TRPC4AP: variants seen among roughly 807,000 people sequenced by gnomAD.
TRPC4AP encodes short transient receptor potential channel 4-associated protein.
Under a neutral mutation model 99.0 loss-of-function variants are expected in TRPC4AP, and 45 were observed. The ratio of observed to expected loss-of-function variants is 0.45; its 90% CI spans 0.36 to 0.58. The LOEUF is 0.58. Among genes scored for constraint, TRPC4AP ranks in the 20% least tolerant of loss-of-function variants. The pLI is 0.00. For synonymous variants in TRPC4AP, 408 were observed against 385.8 expected, an observed-to-expected ratio of 1.06 and a Z score of -0.67; for missense variants, 879 against 985.3, an observed-to-expected ratio of 0.89 and a Z score of 1.44.
intron 7 of TRPC4AP, among the ~76,000 whole-genome samples, chr20:35,037,320 C>A (rs2083341276): frequency 7.0e-6 from 1 of 143,642 alleles, no homozygotes; most frequent in Non-Finnish European, 1.5e-5. Flanking sequence ...GCACTCCGGC[C>A]TGGGCGAAAG....
intron 9 of TRPC4AP, among the ~76,000 whole-genome samples, chr20:35,020,862 G>T: frequency 6.6e-6 from 1 of 152,104 alleles, no homozygotes; most frequent in Non-Finnish European, 1.5e-5. Flanking sequence ...CATCAGGTTG[G>T]CAACTCCTCT....
chr20:35,005,824 C>A, intron 15 of TRPC4AP, 21 bp from the exon 16 acceptor site: 1 of 1,612,170 alleles, frequency 6.2e-7, no homozygotes, highest in Non-Finnish European at 8.5e-7. Flanking sequence ...ACCAAGCTCA[C>A]AGCAGGCAGT....
At chr20:35,081,089 AAAAG>A (rs1472769098) in intron 1 of TRPC4AP, among the ~76,000 whole-genome samples, 1 of 152,206 alleles carries the variant, frequency 6.6e-6, no homozygotes, top group Non-Finnish European at 1.5e-5. Flanking sequence ...AGAAATATTT[AAAAG>A]AAGAAAGAAG....
intron 8 of TRPC4AP, among the ~76,000 whole-genome samples, chr20:35,034,587 T>C (rs2083275298): frequency 6.6e-6 from 1 of 152,050 alleles, no homozygotes; most frequent in African/African-American, 2.4e-5. Context: ...GTTTGGGAGC[T>C]GAGAATTCCT....
At chr20:35,070,563 A>C (rs2084282222) in intron 2 of TRPC4AP, among the ~76,000 whole-genome samples, 1 of 152,088 alleles carries the variant, frequency 6.6e-6, no homozygotes, top group Non-Finnish European at 1.5e-5. Context: ...GGCGCCCGCC[A>C]CTGCGCCCGG....
intron 8 of TRPC4AP, among the ~76,000 whole-genome samples, chr20:35,021,674 AG>A (rs1367824710): frequency 6.6e-6 from 1 of 152,152 alleles, no homozygotes; most frequent in African/African-American, 2.4e-5. Context: ...CCAGACCCCC[AG>A]GAAGTGCCCA....
chr20:35,035,041 C>T, intron 8 of TRPC4AP, 82 bp downstream of exon 8: 4 of 1,418,404 alleles, frequency 2.8e-6, no homozygotes, highest in Non-Finnish European at 3.8e-6. Flanking sequence ...TCAAATTAAT[C>T]CTTCTTGGAA....
rs180897175 is a variant in TRPC4AP at position 35,043,798 on chromosome 20, T to A, written c.865+707A>T. On this transcript the variant is annotated intron_variant, in intron 7 of 18. Coordinates refer to ENST00000252015, the MANE Select transcript of TRPC4AP (RefSeq NM_015638.3). Reference sequence around the variant, plus strand: ...GTGGTCTCTCTCTGGAATTTTTCAGTTAATATTTTCGGATTGCAGTTGACC... The same window carrying A: ...GTGGTCTCTCTCTGGAATTTTTCAGATAATATTTTCGGATTGCAGTTGACC... 4.2e-3 allele frequency among the ~76,000 whole-genome samples: 633 copies of A among 152,320 alleles called. 3 individuals are homozygous for A. Among genetic ancestry groups the A allele is most frequent in the Non-Finnish European group, 7.7e-3 (527 of 68,032 alleles).
intron 9 of TRPC4AP, among the ~76,000 whole-genome samples, chr20:35,018,898 G>A (rs998695102): frequency 2.0e-5 from 3 of 152,168 alleles, no homozygotes; most frequent in African/African-American, 7.2e-5. Flanking sequence ...GATAGAAAAG[G>A]CGATGGGGGA....
chr20:35,009,907 T>G (rs2082594262), intron 12 of TRPC4AP, among the ~76,000 whole-genome samples: 1 of 152,234 alleles, frequency 6.6e-6, no homozygotes, highest in Non-Finnish European at 1.5e-5. Context: ...GGTGGGGCAG[T>G]GCGGAGCACA....
chr20:35,013,302 G>A (rs959591335), intron 10 of TRPC4AP, among the ~76,000 whole-genome samples: 5 of 152,102 alleles, frequency 3.3e-5, no homozygotes, highest in African/African-American at 7.2e-5. Flanking sequence ...AAAATAAGGC[G>A]GGGCGTGGTG....
At position 35,092,776 on chromosome 20, in the gene TRPC4AP, C is replaced by T. The variant is rs763222154; in HGVS notation, c.6G>A (p.Ala2=). The part of the protein sequence containing the change: M[A]AAPVAAGSGA... ...CAGACCCAGCCGCTACCGGCGCCGC[C>T]GCCATGTCTCCTCGTCGGACAAACA... Residue 2 remains alanine, a synonymous_variant, in exon 1 of 19, where the codon GCG becomes GCA. Coordinates refer to ENST00000252015, the MANE Select transcript of TRPC4AP (RefSeq NM_015638.3). The T allele has an allele frequency of 3.9e-6, 6 of 1,536,416 alleles. No individual in the cohort carries two copies. The highest frequency in any genetic ancestry group is 2.0e-5 in the Admixed American group (1 of 50,084).
chr20:35,035,644 T>C (rs374351292), intron 7 of TRPC4AP, among the ~76,000 whole-genome samples: 1 of 152,194 alleles, frequency 6.6e-6, no homozygotes, highest in Admixed American at 6.5e-5. Flanking sequence ...CGAGAATATC[T>C]GTATAAGGAG....
chr20:35,078,012 C>T, intron 2 of TRPC4AP, 34 bp downstream of exon 2: 1 of 1,564,486 alleles, frequency 6.4e-7, no homozygotes, highest in Non-Finnish European at 8.7e-7. Flanking sequence ...CCTAGAGGCC[C>T]TGAATACGCC....
intron 1 of TRPC4AP, among the ~76,000 whole-genome samples, chr20:35,086,541 G>GTT (rs1569158081): frequency 1.5e-4 from 3 of 19,532 alleles, no homozygotes; most frequent in Non-Finnish European, 3.0e-4. Context: ...GTGTGTGTGT[G>GTT]TGTGTGTGTG....
intron 8 of TRPC4AP, among the ~76,000 whole-genome samples, chr20:35,026,044 C>A (rs2083022159): frequency 2.0e-5 from 3 of 152,078 alleles, no homozygotes; most frequent in Admixed American, 6.6e-5. Context: ...CTGTTTCCAC[C>A]AATGAATGGT....
chr20:35,013,982 G>A (rs190370962), intron 10 of TRPC4AP, among the ~76,000 whole-genome samples: 1 of 152,122 alleles, frequency 6.6e-6, no homozygotes, highest in Non-Finnish European at 1.5e-5. Context: ...AAGAAAACTG[G>A]CCCTGGGACA....
intron 10 of TRPC4AP, 74 bp downstream of exon 10, chr20:35,015,934 G>A (rs1008801003): frequency 2.5e-6 from 4 of 1,587,196 alleles, no homozygotes; most frequent in African/African-American, 1.4e-5. Context: ...AAGGTCAAAG[G>A]GTCAGCAGCA....
intron 1 of TRPC4AP, among the ~76,000 whole-genome samples, chr20:35,081,370 T>C (rs1408431012): frequency 6.6e-6 from 1 of 150,418 alleles, no homozygotes; most frequent in Non-Finnish European, 1.5e-5. Context: ...AAAAAAAAAT[T>C]AGGCATGGCA....
Sources: gnomAD v4.1 joint callset for allele counts (sites outside exome capture counted in the v4.1 genomes callset) on GRCh38, gnomAD v4.1.1 for gene constraint, MANE v1.5 for transcripts, NCBI Gene and HGNC (gene_info 2026-07-23, HGNC 2026-07-21) for gene names.